AK4: variants seen among roughly 807,000 people sequenced by gnomAD.
AK4 encodes the protein adenylate kinase 4, mitochondrial.
In AK4, 13 loss-of-function variants were observed where a neutral mutation model predicts 24.6. The ratio of observed to expected loss-of-function variants is 0.53; its 90% CI spans 0.34 to 0.84. AK4 has a LOEUF of 0.84. Among genes scored for constraint, AK4 ranks in the 40% least tolerant of loss-of-function variants. The pLI is 0.01. For synonymous variants in AK4, 88 were observed against 107.0 expected (o/e 0.82, Z 1.10); for missense variants, 192 against 288.2 (o/e 0.67, Z 2.42).
At chr1:65,160,320 A>G (rs1650119244) in intron 1 of AK4, among the ~76,000 whole-genome samples, 1 of 152,210 alleles carries the variant, frequency 6.6e-6, no homozygotes, top group Non-Finnish European at 1.5e-5. Flanking sequence ...TTGGTGTCTA[A>G]TAAGGCCTGT....
intron 4 of AK4, 111 bp from the exon 5 acceptor site, chr1:65,225,952 G>C (rs1652441690): frequency 1.8e-6 from 2 of 1,126,020 alleles, no homozygotes; most frequent in African/African-American, 3.1e-5. Flanking sequence ...CACTTAGTGT[G>C]GTATATGATA....
intron 1 of AK4, among the ~76,000 whole-genome samples, chr1:65,182,535 G>GAAAAA (rs1650945327): frequency 6.9e-6 from 1 of 145,932 alleles, no homozygotes; most frequent in African/African-American, 2.7e-5. Flanking sequence ...AAGACATTCA[G>GAAAAA]ATAAAAAAAA....
At chr1:65,179,852 A>G (rs1461608798) in intron 1 of AK4, among the ~76,000 whole-genome samples, 2 of 152,208 alleles carry the variant, frequency 1.3e-5, no homozygotes, top group Non-Finnish European at 2.9e-5. Context: ...AAAAGAAAAA[A>G]GAAATGGTCT....
intron 1 of AK4, 133 bp downstream of exon 1, chr1:65,148,685 G>A: frequency 7.7e-7 from 1 of 1,296,510 alleles, no homozygotes; most frequent in Admixed American, 3.9e-5. Flanking sequence ...GTACGTGCCG[G>A]GGCGCATGCA....
rs1652485695 is a variant in AK4 at position 65,227,014 on chromosome 1, T to C, written c.*837T>C. ...TTGACACTGTTCCTTTCTTTTATTG[T>C]GAAAAAAAAAAAAAACCCTGAAAGT... is the stretch of plus-strand genomic sequence containing the variant. On this transcript the variant is annotated 3_prime_UTR_variant, in exon 5 of 5. Transcript: ENST00000327299. The C allele has an allele frequency of 7.0e-5, 5 of 71,306 alleles. No individual in the cohort carries two copies. In the South Asian group the frequency reaches 2.6e-3, roughly 36 times the overall value. The allele number at this position is 71,306 out of a possible 1,614,324, so 4.4% of individuals were successfully genotyped here.
Position 65,223,764 on chromosome 1 carries a change from G to A in AK4, c.439-988G>A, listed in dbSNP as rs1288554583. Among the ~76,000 whole-genome samples the A allele has an allele frequency of 2.0e-5, 3 of 152,114 alleles. No homozygotes were observed. The East Asian group carries it at 5.8e-4, about 30-fold the overall frequency. ...AATACCAGCACTTTGGGAGGCCAAG[G>A]CAGGTGGATCACCTCAGGTCAGGAG... On this transcript the variant is annotated intron_variant, in intron 3 of 4. Coordinates refer to ENST00000327299, the MANE Select transcript of AK4 (RefSeq NM_013410.4).
chr1:65,188,022 G>A (rs1651161415), intron 1 of AK4, among the ~76,000 whole-genome samples: 1 of 152,150 alleles, frequency 6.6e-6, no homozygotes, highest in African/African-American at 2.4e-5. Flanking sequence ...GCCCTTCACA[G>A]CCCATCTTTC....
At chr1:65,165,632 A>G (rs1337633244) in intron 1 of AK4, among the ~76,000 whole-genome samples, 4 of 151,880 alleles carry the variant, frequency 2.6e-5, no homozygotes, top group Non-Finnish European at 5.9e-5. Flanking sequence ...TGGAGCTTAC[A>G]TGTAATTCCA....
At chr1:65,174,893 T>G (rs936719114) in intron 1 of AK4, among the ~76,000 whole-genome samples, 1 of 152,206 alleles carries the variant, frequency 6.6e-6, no homozygotes, top group Non-Finnish European at 1.5e-5. Context: ...TACAAGGGAG[T>G]ATAGAAAGAC....
At chr1:65,150,985 G>T (rs557375890) in intron 1 of AK4, among the ~76,000 whole-genome samples, 2 of 151,668 alleles carry the variant, frequency 1.3e-5, no homozygotes, top group East Asian at 1.9e-4. Flanking sequence ...GACGAGTCTC[G>T]TTCTGTCACC....
chr1:65,171,913 A>C (rs986334523), intron 1 of AK4, among the ~76,000 whole-genome samples: 1 of 150,990 alleles, frequency 6.6e-6, no homozygotes, highest in African/African-American at 2.4e-5. Flanking sequence ...AGTAAAAATA[A>C]AAAATTAGCA....
intron 2 of AK4, among the ~76,000 whole-genome samples, chr1:65,196,163 A>G (rs993995290): frequency 1.3e-5 from 2 of 152,342 alleles, no homozygotes; most frequent in African/African-American, 2.4e-5. Context: ...ACACAGGCAC[A>G]TGCTCTGCGG....
chr1:65,226,207 T>G lies in AK4; in HGVS notation c.*30T>G. On this transcript the variant is annotated 3_prime_UTR_variant, in exon 5 of 5. Coordinates refer to ENST00000327299, the MANE Select transcript of AK4 (RefSeq NM_013410.4). ...GCCCAATGGAAGAACCAGGAAGATGTGGTCATTCATTCAATAGTGTGTGTA... is the reference window on the plus strand; with the variant it reads ...GCCCAATGGAAGAACCAGGAAGATGGGGTCATTCATTCAATAGTGTGTGTA... 6.5e-7 allele frequency: 1 copy of G among 1,546,658 alleles called. No homozygotes were observed. The highest frequency in any genetic ancestry group is 8.8e-7 in the Non-Finnish European group (1 of 1,134,958).
chr1:65,153,541 G>A (rs1649870946), intron 1 of AK4, among the ~76,000 whole-genome samples: 1 of 152,162 alleles, frequency 6.6e-6, no homozygotes, highest in African/African-American at 2.4e-5. Flanking sequence ...AAAATGCTGA[G>A]ATTACAGGTG....
intron 1 of AK4, chr1:65,149,261 T>TA (rs1430050091): frequency 6.6e-6 from 1 of 152,380 alleles, no homozygotes; most frequent in Non-Finnish European, 1.5e-5. Context: ...GGAAATGGCT[T>TA]CTTGAGCTGC....
chr1:65,225,919 A>G, intron 4 of AK4, 144 bp from the exon 5 acceptor site: 1 of 804,898 alleles, frequency 1.2e-6, no homozygotes. Context: ...AGGTGTTGAT[A>G]CCTTTGAAAG....
At chr1:65,210,282 A>G (rs1651931196) in intron 2 of AK4, among the ~76,000 whole-genome samples, 1 of 152,070 alleles carries the variant, frequency 6.6e-6, no homozygotes, top group South Asian at 2.1e-4. Flanking sequence ...TGGGTCTAGG[A>G]CACCACACTC....
At chr1:65,182,813 G>A (rs759524571) in intron 1 of AK4, among the ~76,000 whole-genome samples, 4 of 152,136 alleles carry the variant, frequency 2.6e-5, no homozygotes, top group East Asian at 1.9e-4. Flanking sequence ...TTGACTAAAC[G>A]CTTTCATTTA....
rs1652498350 is a variant in AK4, at chr1:65,227,383, T to C, written c.*1206T>C. On this transcript the variant is annotated 3_prime_UTR_variant, in exon 5 of 5. Coordinates refer to ENST00000327299, the MANE Select transcript of AK4 (RefSeq NM_013410.4). ...TATGATTATGAGAAAACAAATTCTT[T>C]ATTTTTTTTTTCTGTTCCAAAGATT... The C allele has an allele frequency of 6.6e-6, 1 of 152,512 alleles. No homozygotes were observed. The highest frequency in any genetic ancestry group is 2.4e-5 in the African/African-American group (1 of 41,402). The allele number at this position is 152,512 out of a possible 1,614,324, so 9.4% of individuals were successfully genotyped here.
Sources: allele counts gnomAD v4.1 joint callset (sites outside exome capture counted in the v4.1 genomes callset), GRCh38; gene constraint gnomAD v4.1.1; transcripts MANE v1.5; gene names NCBI Gene and HGNC (gene_info 2026-07-23, HGNC 2026-07-21).